SMG1: variants seen among roughly 807,000 people sequenced by gnomAD.
SMG1 encodes the protein serine/threonine-protein kinase SMG1.
In SMG1, 22 loss-of-function variants were observed where a neutral mutation model predicts 419.9. That is an observed-to-expected ratio of 0.05 (90% CI 0.04 to 0.07). SMG1 has a LOEUF of 0.07. Among genes scored for constraint, SMG1 ranks in the 10% least tolerant of loss-of-function variants. SMG1 has a pLI of 1.00. For missense variants in SMG1, 3,185 were observed against 4,342.0 expected (o/e 0.73, Z 7.49); for synonymous variants, 1,538 against 1,553.5 (o/e 0.99, Z 0.23).
intron 3 of SMG1, among the ~76,000 whole-genome samples, chr16:18,895,160 C>T (rs1458801887): frequency 6.6e-6 from 1 of 152,142 alleles, no homozygotes; most frequent in East Asian, 1.9e-4. Context: ...AGTGAGGCTA[C>T]ATCATAAGGC....
chr16:18,853,704 A>T lies in SMG1; in HGVS notation c.4647T>A (p.Ala1549=). ...ISGQLKQVYR[A]QHQQNFTGLS... is the part of the protein sequence containing the mutation. ...GACCTGTGAAGTTCTGTTGGTGCTG[A>T]GCTCTGTAAACCTGTTTCAGCTGTC... is the stretch of plus-strand genomic sequence containing the variant. The change falls in exon 31 of 63, where the codon GCT becomes GCA. Residue 1549 remains alanine, a synonymous_variant. Coordinates refer to ENST00000446231, the MANE Select transcript of SMG1 (RefSeq NM_015092.5). The T allele has an allele frequency of 6.2e-7, 1 of 1,613,914 alleles. No homozygotes were observed. The highest frequency in any genetic ancestry group is 8.5e-7 in the Non-Finnish European group (1 of 1,179,846).
intron 13 of SMG1, chr16:18,875,443 T>C (rs1372163823): frequency 6.6e-6 from 1 of 152,166 alleles, no homozygotes; most frequent in African/African-American, 2.4e-5. Flanking sequence ...ACAAAAAAAT[T>C]AGCCAGGCAT....
Position 18,838,377 on chromosome 16 carries a change from A to G in SMG1, c.7174T>C (p.Phe2392Leu). The G allele has an allele frequency of 1.2e-6, 2 of 1,611,084 alleles. No individual in the cohort carries two copies. Among genetic ancestry groups the G allele is most frequent in the Non-Finnish European group, 1.7e-6 (2 of 1,178,612 alleles). The change falls in exon 44 of 63, where the codon TTT becomes CTT. Residue 2392 changes from phenylalanine (F) to leucine (L), a missense_variant. Phe to Leu is a conservative substitution (Grantham distance 22). This residue lies in a region of SMG1 where 60 missense variants were observed against 133.9 expected (regional missense o/e 0.45). Coordinates refer to ENST00000446231, the MANE Select transcript of SMG1 (RefSeq NM_015092.5). ...CATACCTGCTCACATGAAAGCCTAAATACACCTTCTACTCCAGTTACACCC... is the reference window on the plus strand; with the variant it reads ...CATACCTGCTCACATGAAAGCCTAAGTACACCTTCTACTCCAGTTACACCC... Reference protein sequence around the residue: ...ALGVTGVEGVFRLSCEQVLHI... With the variant: ...ALGVTGVEGVLRLSCEQVLHI...
Position 18,921,412 on chromosome 16 carries a change from T to G in SMG1, c.92+4538A>C, listed in dbSNP as rs1160851058. Among the ~76,000 whole-genome samples, 3 of 152,280 alleles carry G rather than the reference T, an allele frequency of 2.0e-5. No individual in the cohort carries two copies. In the East Asian group the frequency reaches 5.8e-4, roughly 29 times the overall value. ...CGTTCCTTTAGTTTTATTTTTCATT[T>G]TTATTTTTTAGTTTATTATGGCTGT... On this transcript the variant is annotated intron_variant, in intron 1 of 62. Coordinates refer to ENST00000446231, the MANE Select transcript of SMG1 (RefSeq NM_015092.5).
chr16:18,922,683 T>C (rs1269339551), intron 1 of SMG1, among the ~76,000 whole-genome samples: 1 of 152,270 alleles, frequency 6.6e-6, no homozygotes, highest in Admixed American at 6.5e-5. Context: ...ACCATGTCAG[T>C]TGGCCAGGCT....
At chr16:18,925,896 C>T (rs2038382135) in intron 1 of SMG1, 54 bp downstream of exon 1, 2 of 1,407,670 alleles carry the variant, frequency 1.4e-6, no homozygotes, top group Non-Finnish European at 1.9e-6. Context: ...AGGCCTCGGC[C>T]CGCCCGAGGC....
chr16:18,921,619 C>T (rs4278734), intron 1 of SMG1, among the ~76,000 whole-genome samples: 46,754 of 151,770 alleles, frequency 0.31, 7,939 homozygotes, highest in Non-Finnish European at 0.38. Flanking sequence ...CTTTTGCACC[C>T]ACCTAATAGG....
chr16:18,832,913 G>A (rs1485607069), intron 51 of SMG1, 27 bp downstream of exon 51: 28 of 1,592,536 alleles, frequency 1.8e-5, no homozygotes, highest in Non-Finnish European at 2.2e-5. Context: ...CTTTTACAAG[G>A]AAACGGCACA....
chr16:18,864,187 C>CTTTCTTT lies in SMG1; in HGVS notation c.3351-44_3351-43insAAAGAAA, dbSNP rs769709597. 9.7e-5 allele frequency: 58 copies of CTTTCTTT among 598,030 alleles called. No homozygotes were observed. The African/African-American group carries it at 1.7e-3, about 18-fold the overall frequency. The allele number at this position is 598,030 out of a possible 1,614,324, so 37.0% of individuals were successfully genotyped here. A position where few individuals can be genotyped will look rare whatever the true frequency, so the allele number is the denominator to read the frequency against. ...GCAGTCTTATTTATTTATCTACTTA[C>CTTTCTTT]TTTTTTTTTTTTTTTTTTTTTTTTT... On this transcript the variant is annotated intron_variant, in intron 23 of 62. Transcript: ENST00000446231.
At chr16:18,838,908 G>A (rs1042612694) in intron 42 of SMG1, among the ~76,000 whole-genome samples, 6 of 152,156 alleles carry the variant, frequency 3.9e-5, no homozygotes, top group Non-Finnish European at 5.9e-5. Flanking sequence ...CTATCAGGAT[G>A]CTGGATTAAA....
intron 62 of SMG1, among the ~76,000 whole-genome samples, chr16:18,811,000 A>G (rs1464822824): frequency 6.6e-6 from 1 of 152,220 alleles, no homozygotes; most frequent in Non-Finnish European, 1.5e-5. Context: ...TCAAATTTAT[A>G]TATTCAATAT....
In SMG1 at chr16:18,853,635, T is replaced by A. The variant is rs1247408809; in HGVS notation, c.4716A>T (p.Pro1572=). ...SKNILTLIEL[P]SVNTMEEEYP... ...ACTCTTCTTCCATCGTATTAACAGA[T>A]GGCAGTTCTATTAGAGTGAGTATGT... is the stretch of plus-strand genomic sequence containing the variant. The change falls in exon 31 of 63, where the codon CCA becomes CCT. Residue 1572 remains proline (P), a synonymous_variant. Coordinates refer to ENST00000446231, the MANE Select transcript of SMG1 (RefSeq NM_015092.5). 1 of 1,610,672 alleles carries A rather than the reference T, an allele frequency of 6.2e-7. No homozygotes were observed. Among genetic ancestry groups the A allele is most frequent in the Non-Finnish European group, 8.5e-7 (1 of 1,178,150 alleles).
intron 54 of SMG1, 101 bp downstream of exon 54, chr16:18,829,185 G>T (rs1418505123): frequency 2.0e-6 from 2 of 1,009,088 alleles, no homozygotes; most frequent in Non-Finnish European, 2.8e-6. Flanking sequence ...GTGAGTTCAG[G>T]AAGTTTTAAA....
intron 13 of SMG1, 90 bp downstream of exon 13, chr16:18,876,034 A>G: frequency 1.5e-6 from 2 of 1,374,700 alleles, no homozygotes; most frequent in Admixed American, 3.6e-5. Flanking sequence ...GATTCTGCAG[A>G]CATCTTGACA....
intron 1 of SMG1, among the ~76,000 whole-genome samples, chr16:18,923,837 C>G (rs115925288): frequency 0.01 from 1,534 of 152,232 alleles, 19 homozygotes; most frequent in African/African-American, 0.035. Flanking sequence ...TGGAGTCTGT[C>G]GTCTTTCTGA....
Position 18,809,663 on chromosome 16 carries a change from G to T in SMG1, c.10909-17C>A, listed in dbSNP as rs758363418. 1.9e-6 allele frequency: 3 copies of T among 1,566,324 alleles called. No homozygotes were observed. In the South Asian group the frequency reaches 3.5e-5, roughly 18 times the overall value. On this transcript the variant is annotated splice_polypyrimidine_tract_variant and intron_variant, in intron 62 of 62. Transcript: ENST00000446231. ...ATAGTCAACCTGTAAAAATAGGCAGGATAGTATGTAAAGTCATTTAAAGCT... is the reference window on the plus strand; with the variant it reads ...ATAGTCAACCTGTAAAAATAGGCAGTATAGTATGTAAAGTCATTTAAAGCT...
At chr16:18,833,408 T>G (rs1596483933) in intron 50 of SMG1, among the ~76,000 whole-genome samples, 1 of 152,266 alleles carries the variant, frequency 6.6e-6, no homozygotes, top group East Asian at 1.9e-4. Context: ...AGTTGTCATA[T>G]AATTAAACAT....
chr16:18,820,963 T>A (rs535223044), intron 55 of SMG1, among the ~76,000 whole-genome samples: 1 of 152,230 alleles, frequency 6.6e-6, no homozygotes, highest in African/African-American at 2.4e-5. Context: ...ATTATGTACA[T>A]AGCTTTCAAT....
rs190728025 is a variant in SMG1, at chr16:18,901,356, C to G, written c.93-4400G>C. Among the ~76,000 whole-genome samples, 395 of 152,176 alleles carry G rather than the reference C, an allele frequency of 2.6e-3. 2 individuals carry two copies. Among genetic ancestry groups the G allele is most frequent in the Non-Finnish European group, 4.0e-3 (269 of 68,012 alleles). ...AAACAGCTGGGACCACAGGTGCATG[C>G]CACCCCATTTAGCTAATTTTTTATT... On this transcript the variant is annotated intron_variant, in intron 1 of 62. Coordinates refer to ENST00000446231, the MANE Select transcript of SMG1 (RefSeq NM_015092.5).
Sources: allele counts gnomAD v4.1 joint callset (sites outside exome capture counted in the v4.1 genomes callset), GRCh38; gene constraint gnomAD v4.1.1; regional missense constraint gnomAD v4.1.1; transcripts MANE v1.5; gene names NCBI Gene and HGNC (gene_info 2026-07-23, HGNC 2026-07-21).